Variants in PTBP2 observed in about 807,000 individuals in gnomAD.
The protein encoded by PTBP2 is polypyrimidine tract binding protein 2.
In PTBP2, 13 loss-of-function variants were observed where a neutral mutation model predicts 61.4. The observed-to-expected ratio is 0.21, with a 90% CI of 0.14 to 0.34. The LOEUF is 0.34. PTBP2 is among the 10% of genes least tolerant of loss of function. PTBP2 has a pLI of 1.00. For missense variants in PTBP2, 405 were observed against 642.6 expected, an observed-to-expected ratio of 0.63 and a Z score of 4.00; for synonymous variants, 215 against 218.5, an observed-to-expected ratio of 0.98 and a Z score of 0.14.
intron 8 of PTBP2, 42 bp from the exon 9 acceptor site, chr1:96,804,758 G>C (rs769760403): frequency 6.4e-7 from 1 of 1,565,392 alleles, no homozygotes. Context: ...TGTGTGTTTC[G>C]TAAAATATGC....
intron 8 of PTBP2, among the ~76,000 whole-genome samples, chr1:96,794,071 G>T (rs181656349): frequency 1.0e-3 from 155 of 152,256 alleles, no homozygotes; most frequent in African/African-American, 3.6e-3. Context: ...GATCCATTAT[G>T]TTTACCCATT....
intron 3 of PTBP2, among the ~76,000 whole-genome samples, chr1:96,768,692 A>G (rs1470329405): frequency 6.6e-6 from 1 of 151,956 alleles, no homozygotes; most frequent in Non-Finnish European, 1.5e-5. Context: ...CAGTTAACTA[A>G]TTTGTTGATT....
chr1:96,778,385 T>G (rs1390244341), intron 7 of PTBP2, among the ~76,000 whole-genome samples: 1 of 100,702 alleles, frequency 9.9e-6, no homozygotes, highest in Non-Finnish European at 2.0e-5. Context: ...CTCTTTAATG[T>G]CTTTTTTTTA....
At chr1:96,805,065 A>C (rs1464418878) in intron 9 of PTBP2, 126 bp downstream of exon 9, 1 of 709,798 alleles carries the variant, frequency 1.4e-6, no homozygotes, top group African/African-American at 1.8e-5. Context: ...TATTTTCTGT[A>C]TGTTTCTACT....
In PTBP2 at chr1:96,777,916, T is replaced by C; in HGVS notation, c.678T>C (p.Gly226=). Residue 226 remains glycine, a synonymous_variant, in exon 7 of 14, where the codon GGT becomes GGC. Transcript: ENST00000674951. ...AGTTTCAAGCTTTGCTCCAGTATGG[T>C]GATCCAGTAAATGCTCAACAAGCAA... ...NNQFQALLQY[G]DPVNAQQAKL... 1 of 1,584,690 alleles carries C rather than the reference T, an allele frequency of 6.3e-7. No individual in the cohort carries two copies. Among genetic ancestry groups the C allele is most frequent in the Middle Eastern group, 1.9e-4 (1 of 5,360 alleles).
At chr1:96,726,672 C>T (rs950810280) in intron 2 of PTBP2, among the ~76,000 whole-genome samples, 3 of 152,098 alleles carry the variant, frequency 2.0e-5, no homozygotes, top group Non-Finnish European at 2.9e-5. Context: ...CTCCTGACCT[C>T]GTGATCTGCC....
chr1:96,739,378 C>T (rs1050378662), intron 2 of PTBP2, among the ~76,000 whole-genome samples: 5 of 151,974 alleles, frequency 3.3e-5, no homozygotes, highest in Admixed American at 6.6e-5. Flanking sequence ...TATTCTTATA[C>T]GTACTTAATA....
intron 5 of PTBP2, among the ~76,000 whole-genome samples, chr1:96,773,699 G>T (rs532631623): frequency 5.5e-4 from 84 of 152,212 alleles, no homozygotes; most frequent in Admixed American, 1.6e-3. Flanking sequence ...GTACCAGGCT[G>T]TGCGTGGTGG....
chr1:96,812,378 G>A (rs1662168440), intron 11 of PTBP2, among the ~76,000 whole-genome samples: 2 of 152,260 alleles, frequency 1.3e-5, no homozygotes, highest in South Asian at 4.2e-4. Context: ...TTAGCAATTA[G>A]GATGTGTAAC....
intron 2 of PTBP2, among the ~76,000 whole-genome samples, chr1:96,746,182 A>G (rs913903398): frequency 4.6e-5 from 7 of 152,148 alleles, no homozygotes; most frequent in African/African-American, 1.7e-4. Flanking sequence ...TTGAGAGGGT[A>G]TATTTAAAGG....
At chr1:96,782,101 C>A (rs1281491663) in intron 7 of PTBP2, among the ~76,000 whole-genome samples, 2 of 151,918 alleles carry the variant, frequency 1.3e-5, no homozygotes, top group Non-Finnish European at 2.9e-5. Flanking sequence ...TTATAACACA[C>A]ATAAGTAGGA....
intron 5 of PTBP2, chr1:96,771,102 G>GA (rs1337991189): frequency 2.4e-5 from 7 of 295,414 alleles, no homozygotes; most frequent in African/African-American, 1.5e-4. Flanking sequence ...TATCAGGTAG[G>GA]ATTTATTATT....
rs367588623 is a variant in PTBP2 at position 96,791,828 on chromosome 1, T to TTTTTTTG, written c.904+6580_904+6581insGTTTTTT. Among the ~76,000 whole-genome samples, 135 of 75,720 alleles carry TTTTTTTG rather than the reference T, an allele frequency of 1.8e-3. 6 individuals are homozygous for TTTTTTTG. The highest frequency in any genetic ancestry group is 5.7e-3 in the Middle Eastern group (1 of 176). 49.7% of individuals were successfully genotyped at this position (75,720 alleles called of 152,430 possible). On this transcript the variant is annotated intron_variant, in intron 8 of 13. Transcript: ENST00000674951. ...CACCTCTGTTGCTTGGAGTTGTGCT[T>TTTTTTTG]TTTTTTTTTTTTTTTTTTTTTGAGA...
At chr1:96,818,250 T>C (rs368341561), downstream of PTBP2, 96 of 152,180 alleles carry the variant, frequency 6.3e-4, no homozygotes, top group African/African-American at 2.0e-3. Flanking sequence ...TATAGGTTTT[T>C]GAATCAGAAA....
intron 2 of PTBP2, among the ~76,000 whole-genome samples, chr1:96,736,299 G>A (rs181045353): frequency 6.6e-4 from 101 of 152,274 alleles, no homozygotes; most frequent in African/African-American, 2.3e-3. Flanking sequence ...GAAATTGGTA[G>A]GTCTGTGAGT....
chr1:96,812,967 T>C (rs1354203053), intron 12 of PTBP2, 39 bp downstream of exon 12: 1 of 1,592,288 alleles, frequency 6.3e-7, no homozygotes, highest in South Asian at 1.1e-5. Context: ...ATACATTCTA[T>C]TTTGATAAAA....
At chr1:96,753,494 G>A (rs1359155321) in intron 3 of PTBP2, among the ~76,000 whole-genome samples, 2 of 151,696 alleles carry the variant, frequency 1.3e-5, no homozygotes, top group African/African-American at 4.8e-5. Context: ...ACACCCCCAA[G>A]AAAGACATGA....
intron 3 of PTBP2, among the ~76,000 whole-genome samples, chr1:96,757,013 A>G (rs1395565052): frequency 1.3e-5 from 2 of 152,110 alleles, no homozygotes; most frequent in South Asian, 2.1e-4. Context: ...AGGGGAGGCT[A>G]TTTGGGGCAG....
rs763519758 is a variant in PTBP2 at position 96,785,199 on chromosome 1, A to T, written c.849A>T (p.Gln283His). Residue 283 changes from glutamine (Q) to histidine (H), a missense_variant, in exon 8 of 14, where the codon CAA becomes CAT. Gln to His is a conservative substitution (Grantham distance 24, BLOSUM62 0). This residue lies in a region of PTBP2 where 342 missense variants were observed against 491.2 expected (regional missense o/e 0.70). Coordinates refer to ENST00000674951, the MANE Select transcript of PTBP2 (RefSeq NM_021190.4). Reference protein sequence around the residue: ...TRPDLPSGDGQPALDPAIAAA... With the variant: ...TRPDLPSGDGHPALDPAIAAA... ...CTGATCTTCCATCTGGGGATGGACA[A>T]CCTGCATTGGACCCAGCTATTGCTG... 6.2e-7 allele frequency: 1 copy of T among 1,610,402 alleles called. No homozygotes were observed. The highest frequency in any genetic ancestry group is 8.5e-7 in the Non-Finnish European group (1 of 1,178,644).
Sources: allele counts gnomAD v4.1 joint callset (sites outside exome capture counted in the v4.1 genomes callset), GRCh38; gene constraint gnomAD v4.1.1; regional missense constraint gnomAD v4.1.1; transcripts MANE v1.5; gene names NCBI Gene and HGNC (gene_info 2026-07-23, HGNC 2026-07-21).